The following RALYL variants were observed in gnomAD, a reference collection of about 807,000 sequenced individuals.
RALYL encodes RNA-binding Raly-like protein.
A neutral mutation model predicts 35.1 loss-of-function variants in RALYL; 29 were observed. That is an observed-to-expected ratio of 0.83 (90% CI 0.61 to 1.13). The LOEUF is 1.13. RALYL is among the 50% of genes most tolerant of loss of function. RALYL has a pLI of 0.00. For missense variants in RALYL, 359 were observed against 360.4 expected, an observed-to-expected ratio of 1.00 and a Z score of 0.03; for synonymous variants, 120 against 127.6, an observed-to-expected ratio of 0.94 and a Z score of 0.40.
intron 1 of RALYL, among the ~76,000 whole-genome samples, chr8:84,318,882 A>G (rs183305099): frequency 1.2e-4 from 18 of 152,310 alleles, no homozygotes; most frequent in Admixed American, 1.1e-3. Flanking sequence ...AAGATTATTT[A>G]TTAATATTTT....
chr8:84,312,425 C>G (rs1034310446), intron 1 of RALYL, among the ~76,000 whole-genome samples: 14 of 152,180 alleles, frequency 9.2e-5, no homozygotes, highest in African/African-American at 2.9e-4. Context: ...AGCATTAACT[C>G]AAAAGTCCAA....
intron 4 of RALYL, among the ~76,000 whole-genome samples, chr8:84,839,320 T>C (rs976275382): frequency 4.6e-5 from 7 of 152,226 alleles, no homozygotes; most frequent in African/African-American, 1.7e-4. Context: ...CAGGAGATTA[T>C]ATCCCGCACC....
chr8:84,347,166 A>G (rs1377044336), intron 1 of RALYL, among the ~76,000 whole-genome samples: 2 of 151,984 alleles, frequency 1.3e-5, no homozygotes, highest in Non-Finnish European at 2.9e-5. Flanking sequence ...ATGCCACTGC[A>G]CTCCAGCCTG....
intron 3 of RALYL, among the ~76,000 whole-genome samples, chr8:84,787,648 A>T (rs1354151537): frequency 6.6e-6 from 1 of 152,166 alleles, no homozygotes; most frequent in African/African-American, 2.4e-5. Flanking sequence ...ACAGTGTAAA[A>T]GTGTTTCTAT....
intron 4 of RALYL, among the ~76,000 whole-genome samples, chr8:84,818,639 T>C (rs920239109): frequency 6.6e-6 from 1 of 152,190 alleles, no homozygotes; most frequent in African/African-American, 2.4e-5. Context: ...AGGAGCTTTC[T>C]GCTCATTCTG....
chr8:84,220,365 C>T (rs962129069), intron 1 of RALYL, among the ~76,000 whole-genome samples: 2 of 151,852 alleles, frequency 1.3e-5, no homozygotes, highest in African/African-American at 4.8e-5. Flanking sequence ...AATTAAAGGC[C>T]AGTCCTTATA....
At chr8:84,276,429 G>A (rs966947383) in intron 1 of RALYL, among the ~76,000 whole-genome samples, 1 of 152,030 alleles carries the variant, frequency 6.6e-6, no homozygotes, top group Non-Finnish European at 1.5e-5. Flanking sequence ...TTATTATTTT[G>A]CATTTTACAA....
At chr8:84,685,438 C>T (rs904209199) in intron 2 of RALYL, among the ~76,000 whole-genome samples, 1 of 152,032 alleles carries the variant, frequency 6.6e-6, no homozygotes, top group Non-Finnish European at 1.5e-5. Flanking sequence ...GCCCTCATTC[C>T]ACCACCCTCC....
At chr8:84,688,619 CT>C (rs1361020338) in intron 2 of RALYL, among the ~76,000 whole-genome samples, 5 of 151,874 alleles carry the variant, frequency 3.3e-5, no homozygotes, top group Non-Finnish European at 4.4e-5. Flanking sequence ...AACTGTAAAA[CT>C]AGTAGAAAAA....
intron 1 of RALYL, among the ~76,000 whole-genome samples, chr8:84,520,576 C>A (rs1018529473): frequency 6.6e-6 from 1 of 152,152 alleles, no homozygotes; most frequent in East Asian, 1.9e-4. Context: ...AGACAGGTAT[C>A]GGTCTGTCAC....
chr8:84,915,796 A>T (rs1006445172), intron 8 of RALYL, among the ~76,000 whole-genome samples: 1 of 152,100 alleles, frequency 6.6e-6, no homozygotes, highest in Non-Finnish European at 1.5e-5. Context: ...AACTAAAAAA[A>T]TTATTCCTGT....
At chr8:84,382,718 T>A (rs1420761012) in intron 1 of RALYL, among the ~76,000 whole-genome samples, 1 of 151,680 alleles carries the variant, frequency 6.6e-6, no homozygotes, top group Non-Finnish European at 1.5e-5. Flanking sequence ...GGCATTTCAC[T>A]TATCTTCATA....
rs1563488378 is a variant in RALYL at position 84,739,618 on chromosome 8, C to CAT, written c.257-34952_257-34951dup. ...ACATACACAATATATGTATGTATTT[C>CAT]ATATATATATTCACACACAAACATG... On this transcript the variant is annotated intron_variant, in intron 2 of 8. Transcript: ENST00000521268. Among the ~76,000 whole-genome samples the CAT allele has an allele frequency of 2.0e-5, 3 of 151,490 alleles. No homozygotes were observed. The East Asian group carries it at 5.8e-4, about 29-fold the overall frequency.
chr8:84,317,733 G>A (rs1844023334), intron 1 of RALYL, among the ~76,000 whole-genome samples: 1 of 152,106 alleles, frequency 6.6e-6, no homozygotes, highest in Admixed American at 6.5e-5. Flanking sequence ...ATCAGTGTCT[G>A]CTATATAATT....
At chr8:84,636,835 C>T (rs1167307864) in intron 2 of RALYL, among the ~76,000 whole-genome samples, 3 of 151,844 alleles carry the variant, frequency 2.0e-5, no homozygotes, top group Non-Finnish European at 4.4e-5. Context: ...CATTAAAGCA[C>T]ATCTTTAAAT....
chr8:84,353,279 G>GC (rs1225158034), intron 1 of RALYL, among the ~76,000 whole-genome samples: 2 of 149,852 alleles, frequency 1.3e-5, no homozygotes, highest in Non-Finnish European at 3.0e-5. Flanking sequence ...CCATCGTTTA[G>GC]CCCACTCCAG....
At chr8:84,808,784 G>A (rs377271824) in intron 4 of RALYL, among the ~76,000 whole-genome samples, 9 of 152,110 alleles carry the variant, frequency 5.9e-5, no homozygotes, top group Admixed American at 2.0e-4. Flanking sequence ...AGTGGATTGC[G>A]TTTTTTATTT....
intron 1 of RALYL, among the ~76,000 whole-genome samples, chr8:84,402,280 T>C (rs2042994783): frequency 6.6e-6 from 1 of 152,182 alleles, no homozygotes; most frequent in African/African-American, 2.4e-5. Flanking sequence ...ACATGCTGCA[T>C]AGCTCAACCT....
At chr8:84,356,579 C>T (rs1246057009) in intron 1 of RALYL, among the ~76,000 whole-genome samples, 1 of 150,006 alleles carries the variant, frequency 6.7e-6, no homozygotes, top group Non-Finnish European at 1.5e-5. Flanking sequence ...TTTTTACCTC[C>T]AAGACTCCAG....
Sources: allele counts gnomAD v4.1 joint callset (sites outside exome capture counted in the v4.1 genomes callset), GRCh38; gene constraint gnomAD v4.1.1; transcripts MANE v1.5; gene names NCBI Gene and HGNC (gene_info 2026-07-23, HGNC 2026-07-21).